DLG2: variants seen among roughly 807,000 people sequenced by gnomAD.
DLG2 encodes the protein discs large MAGUK scaffold protein 2.
DLG2 carries 45 observed loss-of-function variants against 132.5 expected under a neutral mutation model. The observed-to-expected ratio is 0.34, with a 90% CI of 0.27 to 0.44. The LOEUF is 0.44. Among genes scored for constraint, DLG2 ranks in the 20% least tolerant of loss-of-function variants. The pLI, the probability that DLG2 is intolerant of heterozygous loss-of-function variation, is 1.00. For synonymous variants in DLG2, 424 were observed against 419.6 expected (o/e 1.01, Z -0.13); for missense variants, 1,045 against 1,196.9 (o/e 0.87, Z 1.87).
At chr11:84,360,471 C>A (rs1219102000) in intron 7 of DLG2, among the ~76,000 whole-genome samples, 1 of 151,888 alleles carries the variant, frequency 6.6e-6, no homozygotes, top group East Asian at 1.9e-4. Flanking sequence ...ATATATGATT[C>A]AACAATTTTC....
chr11:84,710,990 G>A (rs2060321086), intron 6 of DLG2, among the ~76,000 whole-genome samples: 2 of 122,118 alleles, frequency 1.6e-5, no homozygotes, highest in African/African-American at 3.4e-5. Flanking sequence ...AGTCTGACAA[G>A]TACATTCATA....
At chr11:84,448,820 G>C (rs888110565) in intron 7 of DLG2, among the ~76,000 whole-genome samples, 1 of 151,858 alleles carries the variant, frequency 6.6e-6, no homozygotes, top group Non-Finnish European at 1.5e-5. Context: ...ATTTATTTTC[G>C]TATCCTCGGA....
At chr11:84,460,625 C>T (rs77219068) in intron 7 of DLG2, among the ~76,000 whole-genome samples, 1,715 of 150,682 alleles carry the variant, frequency 0.011, 14 homozygotes, top group African/African-American at 0.029. Context: ...TTACTTCAAA[C>T]ATTAATAAAT....
chr11:84,814,480 C>T (rs1018426396), intron 6 of DLG2, among the ~76,000 whole-genome samples: 1 of 152,076 alleles, frequency 6.6e-6, no homozygotes, highest in African/African-American at 2.4e-5. Context: ...TGGCTCCCCA[C>T]TGCCTTTCTA....
At chr11:84,292,353 T>G (rs751913637) in intron 7 of DLG2, among the ~76,000 whole-genome samples, 6 of 152,122 alleles carry the variant, frequency 3.9e-5, no homozygotes, top group Non-Finnish European at 8.8e-5. Flanking sequence ...AGTTTTATGC[T>G]AGGTAAGTTT....
intron 3 of DLG2, among the ~76,000 whole-genome samples, chr11:85,509,082 T>C (rs1445008010): frequency 2.0e-5 from 3 of 152,076 alleles, no homozygotes; most frequent in Non-Finnish European, 4.4e-5. Flanking sequence ...TTACTACATA[T>C]TACTGATTTT....
In DLG2 at chr11:84,747,606, G is replaced by A. The variant is rs564913198; in HGVS notation, c.358-212875C>T. On this transcript the variant is annotated intron_variant, in intron 6 of 27. Transcript: ENST00000376104. ...AAGATAAAATAAAATGACATAATATGAAAATACTTGTCCTTGCACTAAGGT... is the reference window on the plus strand; with the variant it reads ...AAGATAAAATAAAATGACATAATATAAAAATACTTGTCCTTGCACTAAGGT... Among the ~76,000 whole-genome samples the A allele has an allele frequency of 8.5e-5, 13 of 152,248 alleles. No homozygotes were observed. The South Asian group carries it at 1.7e-3, about 19-fold the overall frequency.
chr11:83,945,295 T>A (rs561300282), intron 14 of DLG2, among the ~76,000 whole-genome samples: 62 of 152,160 alleles, frequency 4.1e-4, no homozygotes, highest in Non-Finnish European at 8.2e-4. Context: ...AATACAAAAA[T>A]AAGTGGGAGG....
At chr11:84,724,085 T>C (rs2062127772) in intron 6 of DLG2, among the ~76,000 whole-genome samples, 1 of 152,138 alleles carries the variant, frequency 6.6e-6, no homozygotes, top group African/African-American at 2.4e-5. Context: ...TTGTTCATGT[T>C]GCGAGGGAAA....
chr11:84,020,397 C>T (rs1429635354), intron 11 of DLG2, among the ~76,000 whole-genome samples: 1 of 152,094 alleles, frequency 6.6e-6, no homozygotes, highest in Non-Finnish European at 1.5e-5. Context: ...TACATACTTA[C>T]ATACATACAT....
chr11:84,787,731 C>A lies in DLG2; in HGVS notation c.358-253000G>T, dbSNP rs534906350. Among the ~76,000 whole-genome samples the A allele has an allele frequency of 6.6e-5, 10 of 152,148 alleles. No individual in the cohort carries two copies. The South Asian group carries it at 2.1e-3, about 32-fold the overall frequency. On this transcript the variant is annotated intron_variant, in intron 6 of 27. Transcript: ENST00000376104. ...GTACATTCACAAATACTTGAAGGCC[C>A]TCACCACTGGAAGATAAATTGCAGA...
intron 21 of DLG2, among the ~76,000 whole-genome samples, chr11:83,499,893 ATAT>A (rs1477366279): frequency 6.1e-5 from 7 of 114,734 alleles, no homozygotes; most frequent in African/African-American, 2.4e-4. Flanking sequence ...ATATATATAT[ATAT>A]ATCAGTTCTG....
chr11:85,219,234 A>G (rs1233176876), intron 4 of DLG2, among the ~76,000 whole-genome samples: 2 of 152,122 alleles, frequency 1.3e-5, no homozygotes, highest in African/African-American at 4.8e-5. Flanking sequence ...AAAAGTTGAA[A>G]TTTTAAGAAA....
At chr11:85,491,597 T>C (rs1304850044) in intron 3 of DLG2, among the ~76,000 whole-genome samples, 1 of 152,096 alleles carries the variant, frequency 6.6e-6, no homozygotes. Context: ...GTACTGTTTC[T>C]ACATGCTAAC....
intron 8 of DLG2, among the ~76,000 whole-genome samples, chr11:84,228,026 C>G (rs1214690938): frequency 6.6e-6 from 1 of 151,642 alleles, no homozygotes; most frequent in Non-Finnish European, 1.5e-5. Flanking sequence ...ATCTGATTAT[C>G]TGGTGTTAGA....
chr11:85,127,224 TTCTC>T (rs998665118), intron 5 of DLG2, among the ~76,000 whole-genome samples: 2 of 144,174 alleles, frequency 1.4e-5, no homozygotes, highest in Admixed American at 6.9e-5. Flanking sequence ...GTGCAATTCA[TTCTC>T]TCTCTCTCCC....
intron 4 of DLG2, among the ~76,000 whole-genome samples, chr11:85,206,234 A>C (rs2152561632): frequency 6.6e-6 from 1 of 152,302 alleles, no homozygotes. Context: ...ACCAGGTGCC[A>C]GCATCATGCT....
chr11:85,414,128 A>T (rs191972010), intron 3 of DLG2, among the ~76,000 whole-genome samples: 1 of 151,890 alleles, frequency 6.6e-6, no homozygotes, highest in Admixed American at 6.6e-5. Context: ...TTGGTTTGGT[A>T]TATTCCTAAA....
At chr11:85,448,805 A>G (rs1047496335) in intron 3 of DLG2, among the ~76,000 whole-genome samples, 1 of 152,146 alleles carries the variant, frequency 6.6e-6, no homozygotes, top group African/African-American at 2.4e-5. Context: ...CCACATCTAA[A>G]GCATTTACAC....
Sources: allele counts gnomAD v4.1 joint callset (sites outside exome capture counted in the v4.1 genomes callset), GRCh38; gene constraint gnomAD v4.1.1; transcripts MANE v1.5; gene names NCBI Gene and HGNC (gene_info 2026-07-23, HGNC 2026-07-21).